STAC: variants seen among roughly 807,000 people sequenced by gnomAD.
STAC encodes SH3 and cysteine rich domain.
In STAC, 43 loss-of-function variants were observed where a neutral mutation model predicts 48.8. The ratio of observed to expected loss-of-function variants is 0.88; its 90% CI spans 0.69 to 1.14. STAC has a LOEUF of 1.14. Ranked by LOEUF, STAC falls within the 50% of genes most tolerant of loss-of-function variation. The probability of loss-of-function intolerance (pLI) is 0.00; values close to 1 mark genes in which losing one functional copy is unlikely to be tolerated. For synonymous variants in STAC, 193 were observed against 179.5 expected (o/e 1.07, Z -0.60); for missense variants, 497 against 504.0 (o/e 0.99, Z 0.13).
intron 6 of STAC, among the ~76,000 whole-genome samples, chr3:36,500,788 C>G (rs1001525289): frequency 6.6e-5 from 10 of 152,018 alleles, no homozygotes; most frequent in African/African-American, 2.4e-4. Flanking sequence ...AATAAAAACA[C>G]TTCTAAAATT....
intron 2 of STAC, among the ~76,000 whole-genome samples, chr3:36,460,606 G>A (rs536767804): frequency 1.6e-4 from 24 of 152,212 alleles, no homozygotes; most frequent in Admixed American, 5.9e-4. Flanking sequence ...AGAGGCCAGG[G>A]ATGCTGCTAA....
chr3:36,485,540 C>A (rs1322475794), intron 4 of STAC, among the ~76,000 whole-genome samples: 1 of 152,194 alleles, frequency 6.6e-6, no homozygotes, highest in Non-Finnish European at 1.5e-5. Context: ...TTCTCTAATG[C>A]AGATCAAAAG....
intron 2 of STAC, among the ~76,000 whole-genome samples, chr3:36,475,526 T>G (rs1458786442): frequency 6.6e-6 from 1 of 152,218 alleles, no homozygotes; most frequent in East Asian, 1.9e-4. Flanking sequence ...TGTTTAGGTA[T>G]ATGATGGCAG....
chr3:36,390,017 G>A (rs1206487464), intron 1 of STAC, among the ~76,000 whole-genome samples: 1 of 152,156 alleles, frequency 6.6e-6, no homozygotes, highest in African/African-American at 2.4e-5. Context: ...TATTGCTGGA[G>A]AACTTCCAAA....
At chr3:36,495,259 C>T (rs1489710160) in intron 6 of STAC, among the ~76,000 whole-genome samples, 1 of 152,196 alleles carries the variant, frequency 6.6e-6, no homozygotes. Context: ...ATTGATGATT[C>T]AAACTTCATC....
At chr3:36,467,842 A>G (rs957354834) in intron 2 of STAC, among the ~76,000 whole-genome samples, 1 of 151,580 alleles carries the variant, frequency 6.6e-6, no homozygotes, top group African/African-American at 2.4e-5. Context: ...TTTCAGTTTC[A>G]TTTAGTTCTG....
At position 36,447,718 on chromosome 3, in the gene STAC, T is replaced by C. The variant is rs79933531; in HGVS notation, c.388+4078T>C. On this transcript the variant is annotated intron_variant, in intron 2 of 10. Transcript: ENST00000273183. ...TGAACTAAAAAGACAAAGCAATGTT[T>C]GCTCATCAGTGAAGTTGTCTCTTGG... 3.6e-3 allele frequency among the ~76,000 whole-genome samples: 549 copies of C among 152,006 alleles called. 2 individuals are homozygous for C. The highest frequency in any genetic ancestry group is 6.0e-3 in the Non-Finnish European group (406 of 67,958).
Position 36,484,976 on chromosome 3 carries a change from G to A in STAC, c.490-1G>A. ...CCTTGCCTTCCTCATTCTCTCTCCA[G>A]CCAAAGGGGTTTCGGCGTTACTACA... On this transcript the variant is annotated splice_acceptor_variant, in intron 3 of 10. Transcript: ENST00000273183. LOFTEE classifies it high-confidence loss of function. The A allele has an allele frequency of 6.3e-7, 1 of 1,595,498 alleles. No homozygotes were observed. The highest frequency in any genetic ancestry group is 1.1e-5 in the South Asian group (1 of 87,924).
intron 8 of STAC, among the ~76,000 whole-genome samples, chr3:36,522,566 C>T (rs1322333890): frequency 6.6e-6 from 1 of 152,146 alleles, no homozygotes; most frequent in Non-Finnish European, 1.5e-5. Context: ...TCAGAAAATA[C>T]TTGAATGTCA....
At chr3:36,506,297 T>C (rs1233024724) in intron 8 of STAC, 1 of 152,736 alleles carries the variant, frequency 6.5e-6, no homozygotes, top group Non-Finnish European at 1.5e-5. Flanking sequence ...TCTATATGTT[T>C]TTGTACCAGT....
At chr3:36,381,852 G>A (rs558665730) in intron 1 of STAC, among the ~76,000 whole-genome samples, 99 of 152,238 alleles carry the variant, frequency 6.5e-4, no homozygotes, top group African/African-American at 1.0e-3. Context: ...ATCTAAGCCC[G>A]AAAGCTTTAC....
chr3:36,380,986 C>T (rs1255050869), intron 1 of STAC, among the ~76,000 whole-genome samples: 1 of 152,090 alleles, frequency 6.6e-6, no homozygotes, highest in African/African-American at 2.4e-5. Flanking sequence ...ATGGTGGCTC[C>T]GGGTTCAGAG....
intron 5 of STAC, among the ~76,000 whole-genome samples, chr3:36,487,883 G>T (rs1697857877): frequency 6.6e-6 from 1 of 152,026 alleles, no homozygotes; most frequent in African/African-American, 2.4e-5. Context: ...ATTGTTATTT[G>T]GCATCCACAA....
At chr3:36,531,043 A>G (rs1180659089) in intron 10 of STAC, among the ~76,000 whole-genome samples, 1 of 152,250 alleles carries the variant, frequency 6.6e-6, no homozygotes, top group African/African-American at 2.4e-5. Flanking sequence ...TGAAAACAAG[A>G]GACCAATAAT....
chr3:36,415,465 C>G (rs1700299055), intron 1 of STAC, among the ~76,000 whole-genome samples: 2 of 152,172 alleles, frequency 1.3e-5, no homozygotes, highest in Admixed American at 1.3e-4. Context: ...GATATAATCT[C>G]CTGGTGTGCT....
chr3:36,540,864 G>C (rs189398682), intron 10 of STAC, among the ~76,000 whole-genome samples: 1 of 152,162 alleles, frequency 6.6e-6, no homozygotes, highest in Non-Finnish European at 1.5e-5. Context: ...TGTTGTTTAA[G>C]GCTTCTAAAT....
intron 1 of STAC, among the ~76,000 whole-genome samples, chr3:36,405,287 C>T (rs1457988307): frequency 6.6e-6 from 1 of 152,206 alleles, no homozygotes; most frequent in African/African-American, 2.4e-5. Flanking sequence ...CTGTGCCACA[C>T]TCCCCAAGTG....
intron 2 of STAC, among the ~76,000 whole-genome samples, chr3:36,479,227 A>G (rs1697577222): frequency 6.6e-6 from 1 of 152,168 alleles, no homozygotes; most frequent in Non-Finnish European, 1.5e-5. Context: ...CATGTTAATA[A>G]TTTGGCTGGG....
chr3:36,490,180 G>A (rs1697929675), intron 5 of STAC, among the ~76,000 whole-genome samples: 1 of 152,088 alleles, frequency 6.6e-6, no homozygotes, highest in South Asian at 2.1e-4. Context: ...ATTTACAGTG[G>A]CCACAAGCCT....
Sources: gnomAD v4.1 joint callset for allele counts (sites outside exome capture counted in the v4.1 genomes callset) on GRCh38, gnomAD v4.1.1 for gene constraint, MANE v1.5 for transcripts, NCBI Gene and HGNC (gene_info 2026-07-23, HGNC 2026-07-21) for gene names.